ESR1: variants seen among roughly 807,000 people sequenced by gnomAD.
ESR1 encodes estrogen receptor.
In ESR1, 12 loss-of-function variants were observed where a neutral mutation model predicts 52.7. The observed-to-expected ratio is 0.23, with a 90% CI of 0.15 to 0.37. The LOEUF (loss-of-function observed/expected upper bound fraction) is 0.37, where lower values mean the gene tolerates loss of function less well. ESR1 is among the 10% of genes least tolerant of loss of function. The pLI is 1.00. For missense variants in ESR1, 584 were observed against 779.7 expected (o/e 0.75, Z 2.99); for synonymous variants, 305 against 316.8 (o/e 0.96, Z 0.39).
At chr6:151,843,507 G>A (rs187949002) in intron 2 of ESR1, among the ~76,000 whole-genome samples, 1 of 152,172 alleles carries the variant, frequency 6.6e-6, no homozygotes, top group African/African-American at 2.4e-5. Context: ...CATTATAATA[G>A]GATACCCTGG....
intron 4 of ESR1, among the ~76,000 whole-genome samples, chr6:151,957,298 A>G (rs1389540151): frequency 5.3e-5 from 8 of 152,190 alleles, no homozygotes; most frequent in African/African-American, 1.7e-4. Flanking sequence ...GGATTTGGAT[A>G]TAATTAATTT....
chr6:152,009,211 T>C (rs569580378), intron 4 of ESR1, among the ~76,000 whole-genome samples: 1 of 152,090 alleles, frequency 6.6e-6, no homozygotes, highest in South Asian at 2.1e-4. Context: ...TGATGCCAAG[T>C]CCTTCTTTAC....
chr6:151,877,624 A>G (rs1245598836), intron 2 of ESR1, among the ~76,000 whole-genome samples: 2 of 152,198 alleles, frequency 1.3e-5, no homozygotes, highest in East Asian at 3.8e-4. Context: ...ATACATATCT[A>G]CAGTGGATGG....
chr6:151,867,414 T>TACACACACACACAC (rs34943625), intron 2 of ESR1, among the ~76,000 whole-genome samples: 79 of 147,560 alleles, frequency 5.4e-4, no homozygotes, highest in African/African-American at 1.5e-3. Flanking sequence ...TCAACAAATT[T>TACACACACACACAC]ACACACACAC....
intron 1 of ESR1, among the ~76,000 whole-genome samples, chr6:151,837,966 A>T (rs1378263503): frequency 6.6e-6 from 1 of 152,170 alleles, no homozygotes; most frequent in Non-Finnish European, 1.5e-5. Context: ...TTAAAGAAGG[A>T]AAATAAGAGT....
chr6:152,116,480 A>G (rs952764402), intron 6 of ESR1, among the ~76,000 whole-genome samples: 4 of 152,242 alleles, frequency 2.6e-5, no homozygotes, highest in African/African-American at 9.6e-5. Flanking sequence ...TGTTGTTTGC[A>G]TAAGAAAATC....
chr6:152,098,041 G>A lies in ESR1; in HGVS notation c.1554-691G>A, dbSNP rs900410968. On this transcript the variant is annotated intron_variant, in intron 7 of 7. Coordinates refer to ENST00000206249, the MANE Select transcript of ESR1 (RefSeq NM_000125.4). The surrounding 1 kb of genome is among the most constrained non-coding windows in gnomAD (Gnocchi z 5.1). Reference sequence around the variant, plus strand: ...TCCGAGGAGGCGGCATTTGAAGACCGGAGGAAGGTTCATCCCAGCAAGTAG... The same window carrying A: ...TCCGAGGAGGCGGCATTTGAAGACCAGAGGAAGGTTCATCCCAGCAAGTAG... Among the ~76,000 whole-genome samples, 5 of 152,176 alleles carry A rather than the reference G, an allele frequency of 3.3e-5. No homozygotes were observed. The highest frequency in any genetic ancestry group is 1.3e-4 in the Admixed American group (2 of 15,280).
At chr6:151,899,458 C>CGGCTG (rs1796236572) in intron 3 of ESR1, among the ~76,000 whole-genome samples, 2 of 138,934 alleles carry the variant, frequency 1.4e-5, no homozygotes, top group African/African-American at 5.5e-5. Context: ...CCGGACTGGG[C>CGGCTG]AGCTGGCCAG....
At chr6:152,047,959 T>A in intron 5 of ESR1, among the ~76,000 whole-genome samples, 1 of 113,500 alleles carries the variant, frequency 8.8e-6, no homozygotes, top group African/African-American at 4.0e-5. Context: ...CTCAAGCATT[T>A]TTTTTTTTTT....
intron 6 of ESR1, among the ~76,000 whole-genome samples, chr6:152,086,305 A>G (rs974785218): frequency 6.6e-6 from 1 of 151,898 alleles, no homozygotes; most frequent in Non-Finnish European, 1.5e-5. Context: ...ATAGATCCGT[A>G]ATGGCTTTGT....
At chr6:151,831,334 C>T (rs1474839126) in intron 1 of ESR1, among the ~76,000 whole-genome samples, 20 of 151,996 alleles carry the variant, frequency 1.3e-4, no homozygotes, top group Admixed American at 1.3e-3. Context: ...GAGTTGGGGT[C>T]TTGCTATGTT....
At chr6:152,074,392 G>T (rs2048569721) in intron 6 of ESR1, among the ~76,000 whole-genome samples, 1 of 152,024 alleles carries the variant, frequency 6.6e-6, no homozygotes, top group South Asian at 2.1e-4. Flanking sequence ...TGCATTTAAG[G>T]TTCTTCCATG....
At position 151,900,309 on chromosome 6, in the gene ESR1, TACTA is replaced by T. The variant is rs35313222; in HGVS notation, c.760+19543_760+19546del. On this transcript the variant is annotated intron_variant, in intron 3 of 7. Transcript: ENST00000206249. ...TGAAGTTGTGATTGTTTTTTATTTA[TACTA>T]ACTATTTCACTGAAGATTTCTCCCC... Among the ~76,000 whole-genome samples, 561 of 152,326 alleles carry T rather than the reference TACTA, an allele frequency of 3.7e-3. 1 individual carries two copies. The highest frequency in any genetic ancestry group is 6.3e-3 in the Admixed American group (97 of 15,296).
At chr6:151,958,379 T>C (rs3003921) in intron 4 of ESR1, among the ~76,000 whole-genome samples, 115,637 of 152,116 alleles carry the variant, frequency 0.76, 44,287 homozygotes, top group Middle Eastern at 0.85. Flanking sequence ...GAGTTAGGGA[T>C]TATTTTTGTG....
chr6:151,977,965 A>G (rs9479156), intron 4 of ESR1, among the ~76,000 whole-genome samples: 97 of 6,202 alleles, frequency 0.016, no homozygotes, highest in African/African-American at 0.032. Flanking sequence ...AAAAAAAAGA[A>G]AAAAAAAAAA....
At chr6:152,086,568 G>A (rs2049740519) in intron 6 of ESR1, among the ~76,000 whole-genome samples, 1 of 150,594 alleles carries the variant, frequency 6.6e-6, no homozygotes, top group African/African-American at 2.4e-5. Context: ...CAGTTCATCA[G>A]TTTCACTATG....
chr6:152,078,510 A>G (rs1436222156), intron 6 of ESR1, among the ~76,000 whole-genome samples: 2 of 152,112 alleles, frequency 1.3e-5, no homozygotes, highest in African/African-American at 4.8e-5. Flanking sequence ...TGCTTCCAAG[A>G]TGGCTGAATA....
At chr6:151,838,557 T>G (rs1052953468) in intron 1 of ESR1, among the ~76,000 whole-genome samples, 1 of 152,202 alleles carries the variant, frequency 6.6e-6, no homozygotes, top group South Asian at 2.1e-4. Context: ...GTTATCTTGA[T>G]CTGATGGATA....
At chr6:152,120,004 A>G (rs2051268086) in intron 6 of ESR1, among the ~76,000 whole-genome samples, 1 of 152,234 alleles carries the variant, frequency 6.6e-6, no homozygotes, top group South Asian at 2.1e-4. Context: ...GGGGTTTCAC[A>G]GGGTTTTGAG....
Sources: allele counts gnomAD v4.1 joint callset (sites outside exome capture counted in the v4.1 genomes callset), GRCh38; gene constraint gnomAD v4.1.1; non-coding constraint Gnocchi (gnomAD v3.1); transcripts MANE v1.5; gene names NCBI Gene and HGNC (gene_info 2026-07-23, HGNC 2026-07-21).